The following ITGA8 variants were observed in gnomAD, a reference collection of about 807,000 sequenced individuals.
The protein encoded by ITGA8 is integrin alpha-8.
Under a neutral mutation model 142.3 loss-of-function variants are expected in ITGA8, and 91 were observed. The observed-to-expected ratio is 0.64, with a 90% CI of 0.54 to 0.76. The LOEUF (loss-of-function observed/expected upper bound fraction) is 0.76. ITGA8 is among the 30% of genes least tolerant of loss of function. The pLI is 0.00. For synonymous variants in ITGA8, 505 were observed against 485.2 expected (o/e 1.04, Z -0.54); for missense variants, 1,406 against 1,327.7 (o/e 1.06, Z -0.92).
At chr10:15,562,163 G>C (rs922213045) in intron 25 of ITGA8, among the ~76,000 whole-genome samples, 58 of 152,200 alleles carry the variant, frequency 3.8e-4, no homozygotes, top group African/African-American at 1.3e-3. Context: ...AACCCTATCA[G>C]GTGGGGAGGG....
intron 8 of ITGA8, among the ~76,000 whole-genome samples, chr10:15,662,028 C>T (rs1834297117): frequency 6.6e-6 from 1 of 152,198 alleles, no homozygotes; most frequent in South Asian, 2.1e-4. Flanking sequence ...ATTTGAGAAA[C>T]ATGGCAACCA....
At chr10:15,635,606 A>C (rs920141162) in intron 13 of ITGA8, among the ~76,000 whole-genome samples, 3 of 152,108 alleles carry the variant, frequency 2.0e-5, no homozygotes, top group Non-Finnish European at 2.9e-5. Flanking sequence ...GAGCTCTCCC[A>C]GTTGAATTAC....
At chr10:15,707,313 A>G (rs1027013566) in intron 2 of ITGA8, among the ~76,000 whole-genome samples, 2 of 152,206 alleles carry the variant, frequency 1.3e-5, no homozygotes, top group African/African-American at 4.8e-5. Flanking sequence ...GAAGAGGCCA[A>G]AAAAGGAGAC....
chr10:15,664,663 C>A (rs1187825822), intron 8 of ITGA8, among the ~76,000 whole-genome samples: 2 of 132,502 alleles, frequency 1.5e-5, no homozygotes, highest in Non-Finnish European at 1.6e-5. Context: ...CTATCCCTCC[C>A]CCCTCCCCCC....
At chr10:15,660,984 CGCCAT>C in intron 8 of ITGA8, 62 bp from the exon 9 acceptor site, 2 of 1,375,850 alleles carry the variant, frequency 1.5e-6, no homozygotes, top group Non-Finnish European at 2.1e-6. Flanking sequence ...CACACACACA[CGCCAT>C]ATACTAAAAG....
Position 15,514,972 on chromosome 10 carries a change from T to A in ITGA8, c.*2186A>T, listed in dbSNP as rs1490872423. ...AACTATCTCAACAGGGGTCTTTTTT[T>A]ATGTAACCCTAAGAGTTCTCAGTTC... On this transcript the variant is annotated 3_prime_UTR_variant, in exon 30 of 30. Transcript: ENST00000378076. 6.6e-6 allele frequency: 1 copy of A among 152,190 alleles called. No individual in the cohort carries two copies. The highest frequency in any genetic ancestry group is 6.5e-5 in the Admixed American group (1 of 15,282). The allele number at this position is 152,190 out of a possible 1,614,324, so 9.4% of individuals were successfully genotyped here.
intron 9 of ITGA8, among the ~76,000 whole-genome samples, chr10:15,660,218 A>C (rs1321379365): frequency 1.3e-5 from 2 of 152,196 alleles, no homozygotes; most frequent in Non-Finnish European, 2.9e-5. Context: ...TGACTTGTGC[A>C]GTCACACAGG....
chr10:15,535,990 T>C (rs1005803359), intron 27 of ITGA8, among the ~76,000 whole-genome samples: 2 of 151,278 alleles, frequency 1.3e-5, no homozygotes, highest in African/African-American at 2.4e-5. Context: ...GCTGTTAACA[T>C]TCACCGAGAA....
chr10:15,644,910 A>T (rs1457853087), intron 12 of ITGA8, among the ~76,000 whole-genome samples: 3 of 151,490 alleles, frequency 2.0e-5, no homozygotes, highest in African/African-American at 7.3e-5. Flanking sequence ...TGGCTAACAC[A>T]GTAAAACCCC....
At chr10:15,632,745 G>C (rs1291912586) in intron 13 of ITGA8, among the ~76,000 whole-genome samples, 5 of 151,702 alleles carry the variant, frequency 3.3e-5, no homozygotes, top group Non-Finnish European at 7.4e-5. Flanking sequence ...TTTTCTCCCT[G>C]AGGAGCTGGT....
intron 28 of ITGA8, among the ~76,000 whole-genome samples, chr10:15,520,721 T>A (rs1833048372): frequency 6.6e-6 from 1 of 152,258 alleles, no homozygotes; most frequent in Non-Finnish European, 1.5e-5. Context: ...GCAGACATTA[T>A]TCACTAACGT....
In ITGA8 at chr10:15,671,907, A is replaced by G. The variant is rs1247375572; in HGVS notation, c.803-260T>C. ...AAAAAAAAAAAAAAAAAAGAGGGAG[A>G]TATTCTGAGGTCAATTTTAAAAGCA... On this transcript the variant is annotated intron_variant, in intron 7 of 29. Coordinates refer to ENST00000378076, the MANE Select transcript of ITGA8 (RefSeq NM_003638.3). Among the ~76,000 whole-genome samples the G allele has an allele frequency of 1.3e-5, 2 of 149,692 alleles. 1 individual carries two copies. The highest frequency in any genetic ancestry group is 1.3e-4 in the Admixed American group (2 of 14,986).
intron 23 of ITGA8, among the ~76,000 whole-genome samples, chr10:15,585,425 C>A (rs1832811293): frequency 6.6e-6 from 1 of 152,200 alleles, no homozygotes. Context: ...CTATTATTCT[C>A]TAATCCGCTA....
intron 19 of ITGA8, among the ~76,000 whole-genome samples, chr10:15,604,641 C>A (rs1005635892): frequency 6.7e-6 from 1 of 149,962 alleles, no homozygotes; most frequent in African/African-American, 2.5e-5. Flanking sequence ...TGGTGTAAAT[C>A]CATGAACCGT....
intron 20 of ITGA8, 31 bp downstream of exon 20, chr10:15,604,177 C>A: frequency 6.3e-7 from 1 of 1,593,800 alleles, no homozygotes; most frequent in Non-Finnish European, 8.5e-7. Flanking sequence ...ATATACCTAG[C>A]TCTTGACTTC....
chr10:15,548,572 C>G lies in ITGA8; in HGVS notation c.2767-4G>C. 6.3e-7 allele frequency: 1 copy of G among 1,590,000 alleles called. No homozygotes were observed. Among genetic ancestry groups the G allele is most frequent in the African/African-American group, 1.3e-5 (1 of 74,176 alleles). On this transcript the variant is annotated splice_region_variant and splice_polypyrimidine_tract_variant and intron_variant, in intron 26 of 29. Transcript: ENST00000378076. ...AACACTCGATATTTGTACAATTCTG[C>G]AAACAGCAGTGGGAACACGTCAGAG...
chr10:15,546,675 A>C (rs1833676496), intron 27 of ITGA8, among the ~76,000 whole-genome samples: 2 of 151,834 alleles, frequency 1.3e-5, no homozygotes, highest in Non-Finnish European at 2.9e-5. Flanking sequence ...CTGCCTTAGG[A>C]GAAAGGAAGG....
At chr10:15,583,649 G>A (rs957418545) in intron 23 of ITGA8, among the ~76,000 whole-genome samples, 7 of 151,986 alleles carry the variant, frequency 4.6e-5, no homozygotes, top group Admixed American at 2.0e-4. Flanking sequence ...AGATCATTCC[G>A]GAAAAAGGCA....
At chr10:15,530,803 G>T (rs1833274470) in intron 28 of ITGA8, among the ~76,000 whole-genome samples, 1 of 152,158 alleles carries the variant, frequency 6.6e-6, no homozygotes, top group Non-Finnish European at 1.5e-5. Context: ...TGAATAAAAT[G>T]TCTTCATTTA....
Sources: allele counts gnomAD v4.1 joint callset (sites outside exome capture counted in the v4.1 genomes callset), GRCh38; gene constraint gnomAD v4.1.1; transcripts MANE v1.5; gene names NCBI Gene and HGNC (gene_info 2026-07-23, HGNC 2026-07-21).